SNW1: variants seen among roughly 807,000 people sequenced by gnomAD.
The protein encoded by SNW1 is SNW domain-containing protein 1.
Under a neutral mutation model 75.6 loss-of-function variants are expected in SNW1, and 9 were observed. The observed-to-expected ratio is 0.12, with a 90% confidence interval of 0.07 to 0.21. The LOEUF (loss-of-function observed/expected upper bound fraction) is 0.21. Among genes scored for constraint, SNW1 ranks in the 10% least tolerant of loss-of-function variants. The pLI is 1.00. For synonymous variants in SNW1, 200 were observed against 219.1 expected (o/e 0.91, Z 0.77); for missense variants, 409 against 670.9 (o/e 0.61, Z 4.31).
At chr14:77,727,974 CT>C (rs2080598560) in intron 10 of SNW1, among the ~76,000 whole-genome samples, 1 of 149,052 alleles carries the variant, frequency 6.7e-6, no homozygotes, top group Non-Finnish European at 1.5e-5. Flanking sequence ...GTATTTAGTT[CT>C]TTAAATGTTT....
chr14:77,718,386 C>A lies in SNW1; in HGVS notation c.1393G>T (p.Ala465Ser). 6.2e-7 allele frequency: 1 copy of A among 1,614,192 alleles called. No homozygotes were observed. Among genetic ancestry groups the A allele is most frequent in the Non-Finnish European group, 8.5e-7 (1 of 1,180,044 alleles). The change falls in exon 13 of 14, where the codon GCC becomes TCC. Residue 465 changes from alanine (A) to serine (S), a missense_variant. Ala to Ser is a moderately conservative substitution (Grantham distance 99). Transcript: ENST00000261531. ...TGGCACCTGTTGGTCTTTATTCTGG[C>A]TTCTAGGTCATCACCATACATGTCC... ...DKDMYGDDLE[A>S]RIKTNRFVPD...
intron 8 of SNW1, among the ~76,000 whole-genome samples, chr14:77,733,372 C>G (rs2080642369): frequency 6.6e-6 from 1 of 152,164 alleles, no homozygotes; most frequent in African/African-American, 2.4e-5. Context: ...TCACTATAAT[C>G]TTAGCATCTA....
Position 77,760,702 on chromosome 14 carries a change from C to T in SNW1, c.14+412G>A, listed in dbSNP as rs541019550. 59 of 701,196 alleles carry T rather than the reference C, an allele frequency of 8.4e-5. No individual in the cohort carries two copies. The African/African-American group carries it at 9.1e-4, about 11-fold the overall frequency. The allele number at this position is 701,196 out of a possible 1,614,324, so 43.4% of individuals were successfully genotyped here. On this transcript the variant is annotated intron_variant, in intron 1 of 13. Transcript: ENST00000261531. ...TGGACAGCGAAAGGAGAGAGACCAC[C>T]ACAGGCAAACGGCCGGAAAGCCGCG...
intron 6 of SNW1, 147 bp from the exon 7 acceptor site, chr14:77,736,153 T>C: frequency 1.7e-6 from 1 of 572,176 alleles, no homozygotes; most frequent in Non-Finnish European, 3.1e-6. Flanking sequence ...CCACTCCACT[T>C]TGACAATGAA....
chr14:77,722,384 T>G (rs1486063805), intron 11 of SNW1: 1 of 363,054 alleles, frequency 2.8e-6, no homozygotes, highest in Non-Finnish European at 5.4e-6. Flanking sequence ...GTTAAACTAC[T>G]CCTAAAAATG....
intron 10 of SNW1, among the ~76,000 whole-genome samples, chr14:77,729,759 T>G (rs2080614345): frequency 6.6e-6 from 1 of 152,228 alleles, no homozygotes; most frequent in Non-Finnish European, 1.5e-5. Context: ...TATTTCACAG[T>G]GTATATTAAA....
rs144331360 is a variant in SNW1 at position 77,732,494 on chromosome 14, A to G, written c.882T>C (p.Ala294=). ...FAKLAEALYI[A]DRKAREAVEM... ...ATTATAACAAACCAACCTTCCGATC[A>G]GCAATGTAGAGGGCTTCTGCCAATT... Residue 294 remains alanine, a synonymous_variant, in exon 9 of 14, where the codon GCT becomes GCC. Transcript: ENST00000261531. 3 of 1,559,240 alleles carry G rather than the reference A, an allele frequency of 1.9e-6. No individual in the cohort carries two copies. The highest frequency in any genetic ancestry group is 1.4e-5 in the African/African-American group (1 of 73,826).
chr14:77,757,919 C>CATCTATCTATCT (rs71128671), intron 1 of SNW1, among the ~76,000 whole-genome samples: 2,841 of 147,656 alleles, frequency 0.019, 38 homozygotes, highest in Middle Eastern at 0.042. Context: ...TCAATCTAAT[C>CATCTATCTATCT]ATCTATCTAT....
chr14:77,750,741 T>G (rs954012075), intron 3 of SNW1, among the ~76,000 whole-genome samples: 1 of 152,226 alleles, frequency 6.6e-6, no homozygotes, highest in Non-Finnish European at 1.5e-5. Context: ...TGAGATTATT[T>G]TAAGCAAATT....
intron 6 of SNW1, among the ~76,000 whole-genome samples, chr14:77,736,582 A>G (rs1274261863): frequency 6.6e-6 from 1 of 152,082 alleles, no homozygotes; most frequent in East Asian, 1.9e-4. Context: ...ACAAAAACAA[A>G]AAAAGGCAGC....
chr14:77,734,582 C>T (rs1394892508), intron 8 of SNW1, among the ~76,000 whole-genome samples: 1 of 152,060 alleles, frequency 6.6e-6, no homozygotes, highest in Non-Finnish European at 1.5e-5. Flanking sequence ...TACTAAAATA[C>T]GAAAAATTAG....
chr14:77,722,184 G>C (rs1169610730), intron 11 of SNW1, among the ~76,000 whole-genome samples: 1 of 152,104 alleles, frequency 6.6e-6, no homozygotes, highest in African/African-American at 2.4e-5. Flanking sequence ...CCTTAGTATT[G>C]CAGCGTTCCC....
intron 3 of SNW1, among the ~76,000 whole-genome samples, chr14:77,744,513 A>T (rs1387996225): frequency 6.6e-6 from 1 of 151,898 alleles, no homozygotes; most frequent in Non-Finnish European, 1.5e-5. Context: ...AACAAGGAAC[A>T]ATGCTTTGGA....
chr14:77,750,645 T>C (rs1395391270), intron 3 of SNW1, among the ~76,000 whole-genome samples: 1 of 145,256 alleles, frequency 6.9e-6, no homozygotes, highest in Non-Finnish European at 1.5e-5. Flanking sequence ...CTTTCACTTC[T>C]ATCTTGAGTA....
At chr14:77,752,500 A>G (rs1372257507) in intron 2 of SNW1, among the ~76,000 whole-genome samples, 2 of 152,304 alleles carry the variant, frequency 1.3e-5, no homozygotes, top group Admixed American at 1.3e-4. Flanking sequence ...GTATTATCTC[A>G]TTTAATCCTT....
intron 11 of SNW1, chr14:77,722,838 CTTT>C (rs773466539): frequency 5.4e-3 from 1,541 of 284,616 alleles, no homozygotes; most frequent in Middle Eastern, 9.2e-3. Context: ...TGGTACATAT[CTTT>C]TTTTTTTTTT....
intron 10 of SNW1, among the ~76,000 whole-genome samples, chr14:77,727,974 C>G (rs1456912204): frequency 6.7e-6 from 1 of 149,146 alleles, no homozygotes; most frequent in Middle Eastern, 3.4e-3. Context: ...GTATTTAGTT[C>G]TTTAAATGTT....
intron 10 of SNW1, among the ~76,000 whole-genome samples, chr14:77,726,053 A>T (rs117489635): frequency 2.6e-5 from 4 of 152,252 alleles, no homozygotes; most frequent in Non-Finnish European, 5.9e-5. Flanking sequence ...GTATATTTTG[A>T]AGCCAGGCAG....
At chr14:77,755,390 C>T (rs376413763) in intron 1 of SNW1, among the ~76,000 whole-genome samples, 1 of 152,184 alleles carries the variant, frequency 6.6e-6, no homozygotes, top group East Asian at 1.9e-4. Flanking sequence ...TTTCACATAA[C>T]AGACAAACTC....
Sources: gnomAD v4.1 joint callset for allele counts (sites outside exome capture counted in the v4.1 genomes callset) on GRCh38, gnomAD v4.1.1 for gene constraint, MANE v1.5 for transcripts, NCBI Gene and HGNC (gene_info 2026-07-23, HGNC 2026-07-21) for gene names.